The following TNFSF4 variants were observed in gnomAD, a reference collection of about 807,000 sequenced individuals.
TNFSF4 encodes the protein tumor necrosis factor ligand superfamily member 4.
Under a neutral mutation model 7.3 loss-of-function variants are expected in TNFSF4, and 4 were observed. The ratio of observed to expected loss-of-function variants is 0.55; its 90% confidence interval spans 0.27 to 1.25. The LOEUF (loss-of-function observed/expected upper bound fraction) is 1.25. TNFSF4 is among the 50% of genes most tolerant of loss of function. The pLI is 0.12. For synonymous variants in TNFSF4, 76 were observed against 83.7 expected, an observed-to-expected ratio of 0.91 and a Z score of 0.50; for missense variants, 181 against 208.8, an observed-to-expected ratio of 0.87 and a Z score of 0.82.
chr1:173,433,540 CA>C, the TNFSF4 span, among the ~76,000 whole-genome samples: 202 of 140,946 alleles, frequency 1.4e-3, no homozygotes, highest in Middle Eastern at 3.6e-3. Context: ...ACAAAAAATA[CA>C]AAAAAAAAAA....
chr1:173,256,691 C>T, the TNFSF4 span, among the ~76,000 whole-genome samples: 6 of 152,130 alleles, frequency 3.9e-5, no homozygotes, highest in African/African-American at 1.4e-4. Context: ...GGCTTCTACC[C>T]ATCTCTTACT....
chr1:173,315,066 T>C, the TNFSF4 span, among the ~76,000 whole-genome samples: 3 of 152,120 alleles, frequency 2.0e-5, no homozygotes, highest in Non-Finnish European at 2.9e-5. Flanking sequence ...GGATGAGAGA[T>C]GAAAACAGAA....
the TNFSF4 span, among the ~76,000 whole-genome samples, chr1:173,251,547 G>A: frequency 6.6e-6 from 1 of 152,200 alleles, no homozygotes; most frequent in South Asian, 2.1e-4. Context: ...TGTCTGAAAG[G>A]GGCCAGGGGG....
At chr1:173,224,287 G>A in the TNFSF4 span, among the ~76,000 whole-genome samples, 1 of 152,206 alleles carries the variant, frequency 6.6e-6, no homozygotes, top group Non-Finnish European at 1.5e-5. Context: ...GGTAAGTGAT[G>A]AGGAAGGAAA....
downstream of TNFSF4, among the ~76,000 whole-genome samples, chr1:173,182,897 T>G (rs6691738): frequency 0.43 from 65,147 of 152,020 alleles, 17,044 homozygotes; most frequent in African/African-American, 0.74. Context: ...GAAATGGAGT[T>G]CATGGAGTCT....
At chr1:173,312,557 A>G in the TNFSF4 span, among the ~76,000 whole-genome samples, 3 of 152,250 alleles carry the variant, frequency 2.0e-5, no homozygotes, top group Admixed American at 2.0e-4. Context: ...AAATCAAATT[A>G]TCAGCTTTCT....
At chr1:173,287,509 C>T in the TNFSF4 span, among the ~76,000 whole-genome samples, 1 of 152,114 alleles carries the variant, frequency 6.6e-6, no homozygotes, top group African/African-American at 2.4e-5. Flanking sequence ...CAAAAGCGTT[C>T]AGTGATATCT....
the TNFSF4 span, chr1:173,441,946 T>A: frequency 6.6e-6 from 1 of 152,248 alleles, no homozygotes; most frequent in Non-Finnish European, 1.5e-5. Context: ...GTCTCATCCA[T>A]CTTTCACATG....
chr1:173,174,754 G>T, the TNFSF4 span, among the ~76,000 whole-genome samples: 1 of 152,134 alleles, frequency 6.6e-6, no homozygotes. Flanking sequence ...GGGACACAGA[G>T]CCAAACCATA....
At chr1:173,422,829 C>T in the TNFSF4 span, among the ~76,000 whole-genome samples, 2 of 152,182 alleles carry the variant, frequency 1.3e-5, no homozygotes, top group Non-Finnish European at 2.9e-5. Context: ...AGTACAAATG[C>T]AAGACTTCTT....
At chr1:173,205,130 A>T (rs938157525) in intron 1 of TNFSF4, among the ~76,000 whole-genome samples, 26 of 152,182 alleles carry the variant, frequency 1.7e-4, no homozygotes, top group African/African-American at 2.7e-4. Context: ...AATTAGAAAT[A>T]AAAAAATTAT....
chr1:173,311,540 G>A, the TNFSF4 span, among the ~76,000 whole-genome samples: 2 of 152,130 alleles, frequency 1.3e-5, no homozygotes, highest in Middle Eastern at 3.4e-3. Context: ...CATGACCACA[G>A]CCCACTAGAC....
At chr1:173,280,041 T>C in the TNFSF4 span, among the ~76,000 whole-genome samples, 3 of 152,268 alleles carry the variant, frequency 2.0e-5, no homozygotes, top group Admixed American at 2.0e-4. Context: ...TTTTTCAGTC[T>C]TTCCTCTGTT....
chr1:173,436,976 G>T, the TNFSF4 span, among the ~76,000 whole-genome samples: 2 of 152,188 alleles, frequency 1.3e-5, no homozygotes, highest in South Asian at 2.1e-4. Context: ...GAGTATCTTT[G>T]TTGGCCTGAG....
the TNFSF4 span, among the ~76,000 whole-genome samples, chr1:173,397,304 G>A: frequency 6.6e-6 from 1 of 152,132 alleles, no homozygotes; most frequent in Non-Finnish European, 1.5e-5. Context: ...CTTGAAGAAG[G>A]ATCCTATTCA....
At chr1:173,244,606 C>A in the TNFSF4 span, among the ~76,000 whole-genome samples, 1 of 141,282 alleles carries the variant, frequency 7.1e-6, no homozygotes, top group East Asian at 2.0e-4. Context: ...CCCGCCACTG[C>A]ACTCCAGCCT....
chr1:173,370,638 A>G, the TNFSF4 span, among the ~76,000 whole-genome samples: 1 of 152,312 alleles, frequency 6.6e-6, no homozygotes, highest in East Asian at 1.9e-4. Flanking sequence ...TTTATTACCC[A>G]ATCAGCCACA....
the TNFSF4 span, among the ~76,000 whole-genome samples, chr1:173,419,202 T>C: frequency 4.6e-5 from 7 of 151,682 alleles, no homozygotes; most frequent in Non-Finnish European, 8.8e-5. Flanking sequence ...ATTAGCCGGG[T>C]GTGGTGGCGG....
chr1:173,197,890 C>T (rs1353934014), intron 1 of TNFSF4, among the ~76,000 whole-genome samples: 3 of 152,076 alleles, frequency 2.0e-5, no homozygotes, highest in Non-Finnish European at 4.4e-5. Context: ...AAATGTGCAG[C>T]TTTAGTTTTG....
Sources: allele counts gnomAD v4.1 joint callset (sites outside exome capture counted in the v4.1 genomes callset), GRCh38; gene constraint gnomAD v4.1.1; transcripts MANE v1.5; gene names NCBI Gene and HGNC (gene_info 2026-07-23, HGNC 2026-07-21).